NEBL: variants seen among roughly 807,000 people sequenced by gnomAD.
The protein encoded by NEBL is nebulette.
In NEBL, 122 loss-of-function variants were observed where a neutral mutation model predicts 140.2. That is an observed-to-expected ratio of 0.87 (90% CI 0.75 to 1.01). NEBL has a LOEUF of 1.01. NEBL is among the 50% of genes least tolerant of loss of function. The pLI is 0.00. For missense variants in NEBL, 1,365 were observed against 1,231.3 expected, an observed-to-expected ratio of 1.11 and a Z score of -1.62; for synonymous variants, 436 against 398.9, an observed-to-expected ratio of 1.09 and a Z score of -1.11.
intron 2 of NEBL, among the ~76,000 whole-genome samples, chr10:21,022,351 A>T (rs1838832311): frequency 6.6e-6 from 1 of 152,166 alleles, no homozygotes; most frequent in Non-Finnish European, 1.5e-5. Context: ...CTGGCGTCCC[A>T]TGAGAAGGCT....
Position 21,173,581 on chromosome 10 carries a change from AT to A in NEBL, c.69+183del, listed in dbSNP as rs1014619543. ...AGCCCTTCCCGGTTCCAACATCACA[AT>A]CGCCAAGCGTGGTCTCTGACACTCC... On this transcript the variant is annotated intron_variant, in intron 1 of 6. Coordinates refer to the NEBL transcript ENST00000417816. The surrounding 1 kb of genome is among the most constrained non-coding windows in gnomAD (Gnocchi z 5.7). Among the ~76,000 whole-genome samples, 16 of 152,102 alleles carry A rather than the reference AT, an allele frequency of 1.1e-4. No homozygotes were observed. Among genetic ancestry groups the A allele is most frequent in the African/African-American group, 3.6e-4 (15 of 41,524 alleles).
At chr10:21,042,986 A>G (rs1240466894) in intron 2 of NEBL, among the ~76,000 whole-genome samples, 1 of 152,236 alleles carries the variant, frequency 6.6e-6, no homozygotes, top group African/African-American at 2.4e-5. Context: ...AACATTGCCC[A>G]AGAAATCAAG....
At chr10:21,241,045 T>G (rs1174966237) in intron 3 of NEBL, among the ~76,000 whole-genome samples, 1 of 152,056 alleles carries the variant, frequency 6.6e-6, no homozygotes, top group Non-Finnish European at 1.5e-5. Context: ...GTTTCTTCTG[T>G]GGCTTTATTT....
intron 2 of NEBL, among the ~76,000 whole-genome samples, chr10:21,050,523 A>G (rs1834726437): frequency 1.3e-5 from 2 of 152,316 alleles, no homozygotes; most frequent in South Asian, 2.1e-4. Context: ...TTTGTCTGCA[A>G]AGAAGCAGAT....
Position 20,814,056 on chromosome 10 carries a change from T to C in NEBL, c.2242-13A>G. 6.8e-7 allele frequency: 1 copy of C among 1,461,736 alleles called. No individual in the cohort carries two copies. 90.5% of individuals were successfully genotyped at this position (1,461,736 alleles called of 1,614,324 possible). ...GGGTATATTTTACCTGCAAAGTAAA[T>C]AGTAGGCATAAGACAATGATAAGAA... On this transcript the variant is annotated splice_polypyrimidine_tract_variant and intron_variant, in intron 22 of 27. Transcript: ENST00000377122.
intron 5 of NEBL, among the ~76,000 whole-genome samples, chr10:20,875,645 A>C (rs1158736628): frequency 6.6e-6 from 1 of 152,158 alleles, no homozygotes; most frequent in Non-Finnish European, 1.5e-5. Flanking sequence ...TTGAAGTGGA[A>C]GTCAAGGAGA....
intron 3 of NEBL, among the ~76,000 whole-genome samples, chr10:21,233,652 A>G (rs11012594): frequency 6.9e-6 from 1 of 145,208 alleles, no homozygotes; most frequent in Non-Finnish European, 1.5e-5. Context: ...ATCTATATAT[A>G]CATATATAGA....
intron 2 of NEBL, among the ~76,000 whole-genome samples, chr10:21,148,433 G>A (rs762417324): frequency 6.6e-6 from 1 of 152,208 alleles, no homozygotes; most frequent in African/African-American, 2.4e-5. Flanking sequence ...CCCTGTGGTA[G>A]AATGTTGGGA....
At chr10:20,843,146 T>TA (rs1252911076) in intron 12 of NEBL, among the ~76,000 whole-genome samples, 5 of 151,910 alleles carry the variant, frequency 3.3e-5, no homozygotes, top group African/African-American at 1.2e-4. Context: ...CTTGATAAGA[T>TA]TAATATCTCT....
intron 2 of NEBL, among the ~76,000 whole-genome samples, chr10:21,127,381 C>A (rs1490842355): frequency 6.6e-6 from 1 of 151,900 alleles, no homozygotes; most frequent in Non-Finnish European, 1.5e-5. Context: ...AAGTCCATTG[C>A]AAAAACCATT....
In NEBL at chr10:20,780,234, GT is replaced by G. The variant is rs1350705869; in HGVS notation, c.*5512del. On this transcript the variant is annotated 3_prime_UTR_variant, in exon 28 of 28. Coordinates refer to ENST00000377122, the MANE Select transcript of NEBL (RefSeq NM_006393.3). ...AGAAATCAGTTGCTTCCCATTTTAT[GT>G]ACTCAATTTGTGCACTTTCTATTCT... 6.6e-6 allele frequency: 1 copy of G among 152,110 alleles called. No homozygotes were observed. The highest frequency in any genetic ancestry group is 2.4e-5 in the African/African-American group (1 of 41,428). 9.4% of individuals were successfully genotyped at this position (152,110 alleles called of 1,614,324 possible).
At chr10:20,950,180 T>C (rs1377295084) in intron 4 of NEBL, among the ~76,000 whole-genome samples, 1 of 152,244 alleles carries the variant, frequency 6.6e-6, no homozygotes, top group Non-Finnish European at 1.5e-5. Flanking sequence ...TCGGGGGTCA[T>C]CTGTGCTTTA....
chr10:20,956,259 T>A (rs1159391056), intron 4 of NEBL, among the ~76,000 whole-genome samples: 1 of 152,196 alleles, frequency 6.6e-6, no homozygotes, highest in Non-Finnish European at 1.5e-5. Flanking sequence ...CGAGGAGCGG[T>A]TGTTCAGAGG....
chr10:20,949,649 T>A (rs796581329), intron 4 of NEBL, among the ~76,000 whole-genome samples: 3 of 152,342 alleles, frequency 2.0e-5, no homozygotes, highest in African/African-American at 7.2e-5. Context: ...TTTAACCATT[T>A]TGAAATTAAT....
At chr10:21,262,049 G>A (rs375696101) in intron 1 of NEBL, among the ~76,000 whole-genome samples, 1 of 152,042 alleles carries the variant, frequency 6.6e-6, no homozygotes, top group East Asian at 1.9e-4. Context: ...GCCCCCAACC[G>A]AAAGCCGACA....
intron 4 of NEBL, among the ~76,000 whole-genome samples, chr10:20,940,740 A>T (rs1334396870): frequency 6.6e-6 from 1 of 151,462 alleles, no homozygotes; most frequent in African/African-American, 2.4e-5. Flanking sequence ...ACAATAAAAA[A>T]TGATAAAGGG....
intron 2 of NEBL, among the ~76,000 whole-genome samples, chr10:21,059,977 T>C (rs762120497): frequency 7.2e-5 from 11 of 152,216 alleles, no homozygotes; most frequent in Non-Finnish European, 5.9e-5. Flanking sequence ...TACAATAGCA[T>C]TGGGGTACTG....
chr10:21,022,546 A>G (rs571254020), intron 2 of NEBL, among the ~76,000 whole-genome samples: 2 of 152,358 alleles, frequency 1.3e-5, no homozygotes, highest in South Asian at 2.1e-4. Flanking sequence ...GTTCCAGGTA[A>G]TTGGAGTTAA....
intron 26 of NEBL, among the ~76,000 whole-genome samples, chr10:20,799,813 C>T (rs1187152745): frequency 6.6e-6 from 1 of 151,984 alleles, no homozygotes; most frequent in Non-Finnish European, 1.5e-5. Flanking sequence ...TTTTCTTCTT[C>T]TTAAATAAAG....
Sources: gnomAD v4.1 joint callset for allele counts (sites outside exome capture counted in the v4.1 genomes callset) on GRCh38, gnomAD v4.1.1 for gene constraint, Gnocchi (gnomAD v3.1) non-coding constraint, MANE v1.5 for transcripts, NCBI Gene and HGNC (gene_info 2026-07-23, HGNC 2026-07-21) for gene names.